Variants in SSUH2 observed in about 807,000 individuals in gnomAD.
SSUH2 encodes ssu-2 homolog.
SSUH2 carries 47 observed loss-of-function variants against 55.3 expected under a neutral mutation model. The observed-to-expected ratio is 0.85, with a 90% CI of 0.67 to 1.08. SSUH2 has a LOEUF of 1.08. Among genes scored for constraint, SSUH2 ranks in the 50% least tolerant of loss-of-function variants. The pLI, the probability that SSUH2 is intolerant of heterozygous loss-of-function variation, is 0.00. For synonymous variants in SSUH2, 212 were observed against 191.5 expected, an observed-to-expected ratio of 1.11 and a Z score of -0.89; for missense variants, 535 against 490.7, an observed-to-expected ratio of 1.09 and a Z score of -0.85.
intron 1 of SSUH2, among the ~76,000 whole-genome samples, chr3:8,639,320 A>C (rs1700448001): frequency 6.6e-6 from 1 of 152,216 alleles, no homozygotes; most frequent in Admixed American, 6.5e-5. Flanking sequence ...CATTGTAGGC[A>C]TGATCTCCTT....
chr3:8,623,639 G>T lies in SSUH2; in HGVS notation c.891C>A (p.Asp297Glu). ...DENSVVYPIV[D>E]FPLRDISLAS... Reference sequence around the variant, plus strand: ...CAAGAGAGATGTCTCGCAGAGGGAAGTCCACGATGGGGTACACCTGGGGGA... The same window carrying T: ...CAAGAGAGATGTCTCGCAGAGGGAATTCCACGATGGGGTACACCTGGGGGA... The change falls in exon 11 of 12, where the codon GAC (aspartate) becomes GAA (glutamate). Residue 297 changes from aspartate (D) to glutamate (E), a missense_variant. Coordinates refer to ENST00000544814, the MANE Select transcript of SSUH2 (RefSeq NM_001256748.3). 4 of 1,533,150 alleles carry T rather than the reference G, an allele frequency of 2.6e-6. No individual in the cohort carries two copies. Among genetic ancestry groups the T allele is most frequent in the Non-Finnish European group, 3.5e-6 (4 of 1,132,486 alleles). 95.0% of individuals were successfully genotyped at this position (1,533,150 alleles called of 1,614,324 possible).
intron 6 of SSUH2, among the ~76,000 whole-genome samples, chr3:8,660,695 G>A (rs1703391538): frequency 6.7e-6 from 1 of 148,780 alleles, no homozygotes; most frequent in African/African-American, 2.5e-5. Context: ...CAACAGCTAT[G>A]CAGGGCCACA....
chr3:8,653,156 G>A (rs1304876968), intron 7 of SSUH2, among the ~76,000 whole-genome samples: 1 of 152,102 alleles, frequency 6.6e-6, no homozygotes, highest in Non-Finnish European at 1.5e-5. Context: ...CTCAAACCTG[G>A]TCATCCATCT....
At chr3:8,633,928 G>A in intron 3 of SSUH2, 133 bp from the exon 4 acceptor site, 1 of 1,613,964 alleles carries the variant, frequency 6.2e-7, no homozygotes, top group Non-Finnish European at 8.5e-7. Context: ...CAGTCCAACT[G>A]GGGAGGGCAT....
chr3:8,635,987 A>T, intron 1 of SSUH2, 130 bp from the exon 2 acceptor site: 1 of 712,038 alleles, frequency 1.4e-6, no homozygotes, highest in African/African-American at 1.8e-5. Context: ...TCACTCTGGC[A>T]TCCTTAGGAC....
At position 8,626,683 on chromosome 3, in the gene SSUH2, T is replaced by C. The variant is rs549634589; in HGVS notation, c.675-362A>G. On this transcript the variant is annotated intron_variant, in intron 8 of 11. Transcript: ENST00000544814. The stretch of plus-strand genomic sequence containing the variant: ...GAGTGCAATGAGATCTGTCCCAGGA[T>C]GTTTGTCGGGACTATCGGGAAAGGG... 1.5e-3 allele frequency among the ~76,000 whole-genome samples: 222 copies of C among 152,190 alleles called. 2 individuals carry two copies. The highest frequency in any genetic ancestry group is 5.1e-3 in the African/African-American group (212 of 41,500).
chr3:8,649,496 C>T (rs565783962), upstream of SSUH2, among the ~76,000 whole-genome samples: 1 of 152,206 alleles, frequency 6.6e-6, no homozygotes, highest in South Asian at 2.1e-4. Flanking sequence ...TCTGCTTTGA[C>T]CTCTCCTCTG....
intron 8 of SSUH2, chr3:8,627,283 C>T (rs968484899): frequency 1.2e-5 from 2 of 169,098 alleles, no homozygotes; most frequent in African/African-American, 4.7e-5. Flanking sequence ...TTCCTTGACT[C>T]CTCCTCCATT....
intron 2 of SSUH2, among the ~76,000 whole-genome samples, chr3:8,677,640 C>A (rs1372389668): frequency 2.0e-5 from 3 of 150,932 alleles, no homozygotes; most frequent in African/African-American, 7.3e-5. Flanking sequence ...AACTGTGGGG[C>A]CCTGGCTGAG....
At position 8,678,927 on chromosome 3, in the gene SSUH2, GC is replaced by G. The variant is rs1705689195; in HGVS notation, c.-901+777del. On this transcript the variant is annotated intron_variant, in intron 2 of 18. Transcript: ENST00000317371. ...ACCCCCCGCCAGGCGGGGACTGAGA[GC>G]CAGCCACTCTTCCCCTCCTGGCTCT... 3.7e-5 allele frequency among the ~76,000 whole-genome samples: 4 copies of G among 109,334 alleles called. 2 individuals are homozygous for G. The highest frequency in any genetic ancestry group is 1.8e-4 in the Admixed American group (2 of 11,094). The allele number at this position is 109,334 out of a possible 152,430, so 71.7% of individuals were successfully genotyped here. A position where few individuals can be genotyped will look rare whatever the true frequency, so the allele number is the denominator to read the frequency against.
intron 6 of SSUH2, 25 bp from the exon 7 acceptor site, chr3:8,629,751 A>T (rs1204195502): frequency 3.1e-6 from 5 of 1,613,308 alleles, no homozygotes; most frequent in Non-Finnish European, 4.2e-6. Flanking sequence ...CTTTCTTGGG[A>T]TCTAGTTTCC....
At chr3:8,623,472 C>CCGA (rs1263353621) in intron 11 of SSUH2, 77 bp downstream of exon 11, 1 of 917,418 alleles carries the variant, frequency 1.1e-6, no homozygotes, top group Admixed American at 2.0e-5. Flanking sequence ...TCCTTCCGCT[C>CCGA]CGACGTTCTC....
At chr3:8,623,135 A>G (rs9880263) in intron 11 of SSUH2, among the ~76,000 whole-genome samples, 122,473 of 152,222 alleles carry the variant, frequency 0.8, 49,604 homozygotes, top group African/African-American at 0.89. Flanking sequence ...CACAGAGGCC[A>G]GGAGAAGACA....
At chr3:8,667,138 A>T (rs556990529) in intron 5 of SSUH2, among the ~76,000 whole-genome samples, 1 of 152,372 alleles carries the variant, frequency 6.6e-6, no homozygotes, top group Admixed American at 6.5e-5. Flanking sequence ...TTGGCAGAGC[A>T]GCAGCATGGG....
At chr3:8,644,642 A>C in intron 1 of SSUH2, 89 bp downstream of exon 1, 1 of 1,173,818 alleles carries the variant, frequency 8.5e-7, no homozygotes, top group Non-Finnish European at 1.2e-6. Context: ...ATAACTTCCA[A>C]CATATTAGAG....
Position 8,630,918 on chromosome 3 carries a change from CCA to C in SSUH2, c.410_411del (p.Val137GlyfsTer125), listed in dbSNP as rs1698643195. On this transcript the variant is annotated frameshift_variant, in exon 6 of 12. Coordinates refer to ENST00000544814, the MANE Select transcript of SSUH2 (RefSeq NM_001256748.3). LOFTEE classifies it high-confidence loss of function. Reference sequence around the variant, plus strand: ...GGGGAGGCGCCTCTTTGCGGCCCATCCACAGAGTGGTCTGACACAGAAAGGGG... The same window carrying C: ...GGGGAGGCGCCTCTTTGCGGCCCATCCAGAGTGGTCTGACACAGAAAGGGG... ...WTFQPFTNHS[V>X]DGPQRGASPR... is the part of the protein sequence containing the mutation. 1 of 1,435,934 alleles carries C rather than the reference CCA, an allele frequency of 7.0e-7. No homozygotes were observed. The highest frequency in any genetic ancestry group is 1.5e-5 in the African/African-American group (1 of 67,908). The allele number at this position is 1,435,934 out of a possible 1,614,324, so 88.9% of individuals were successfully genotyped here.
At chr3:8,656,862 G>GGTTGGTTT (rs113460485) in intron 7 of SSUH2, among the ~76,000 whole-genome samples, 1 of 149,936 alleles carries the variant, frequency 6.7e-6, no homozygotes, top group Non-Finnish European at 1.5e-5. Context: ...TTCATTTTTT[G>GGTTGGTTT]GTTTGTTTGT....
At chr3:8,653,569 G>A (rs1702646365) in intron 7 of SSUH2, among the ~76,000 whole-genome samples, 2 of 152,164 alleles carry the variant, frequency 1.3e-5, no homozygotes, top group Admixed American at 6.5e-5. Context: ...TATTGTTGTT[G>A]CTGTAGCAGA....
At chr3:8,651,642 C>T (rs992138015) in intron 7 of SSUH2, among the ~76,000 whole-genome samples, 11 of 152,112 alleles carry the variant, frequency 7.2e-5, no homozygotes, top group African/African-American at 2.7e-4. Context: ...GGTACCAGAG[C>T]GATAAGTAAC....
Sources: allele counts gnomAD v4.1 joint callset (sites outside exome capture counted in the v4.1 genomes callset), GRCh38; gene constraint gnomAD v4.1.1; transcripts MANE v1.5; gene names NCBI Gene and HGNC (gene_info 2026-07-23, HGNC 2026-07-21).